Variants in RASSF9 observed in about 807,000 individuals in gnomAD.
RASSF9 encodes the protein ras association domain-containing protein 9.
In RASSF9, 18 loss-of-function variants were observed where a neutral mutation model predicts 21.4. The observed-to-expected ratio is 0.84, with a 90% CI of 0.58 to 1.25. The LOEUF is 1.25. RASSF9 is among the 50% of genes most tolerant of loss of function. RASSF9 has a pLI of 0.00. For missense variants in RASSF9, 480 were observed against 503.2 expected (o/e 0.95, Z 0.44); for synonymous variants, 183 against 179.1 (o/e 1.02, Z -0.18).
At chr12:85,836,127 A>G (rs1303381015) in intron 1 of RASSF9, 28 bp downstream of exon 1, 1 of 1,551,360 alleles carries the variant, frequency 6.4e-7, no homozygotes, top group African/African-American at 1.4e-5. Context: ...AGAGACACAC[A>G]CACACTTACT....
At chr12:85,829,358 G>C (rs1210945828) in intron 1 of RASSF9, among the ~76,000 whole-genome samples, 2 of 151,970 alleles carry the variant, frequency 1.3e-5, no homozygotes, top group African/African-American at 4.8e-5. Context: ...TCTGATACAC[G>C]GACCAATTTA....
At chr12:85,811,582 C>T (rs1388712304) in intron 1 of RASSF9, among the ~76,000 whole-genome samples, 1 of 151,814 alleles carries the variant, frequency 6.6e-6, no homozygotes, top group African/African-American at 2.4e-5. Flanking sequence ...CAATTTATGC[C>T]AGTTTCGGTC....
rs2136567371 is a variant in RASSF9 at position 85,836,346 on chromosome 12, C to T, written c.-145G>A. ...TTCCTGGCTTTCAGCTCATTAGTAGCCGGCTGAGAAAGTTGCTGGAAGTTG... is the reference window on the plus strand; with the variant it reads ...TTCCTGGCTTTCAGCTCATTAGTAGTCGGCTGAGAAAGTTGCTGGAAGTTG... On this transcript the variant is annotated 5_prime_UTR_variant, in exon 1 of 2. Coordinates refer to ENST00000361228, the MANE Select transcript of RASSF9 (RefSeq NM_005447.4). 6.8e-7 allele frequency: 1 copy of T among 1,479,198 alleles called. No homozygotes were observed. Among genetic ancestry groups the T allele is most frequent in the East Asian group, 2.5e-5 (1 of 40,270 alleles). The allele number at this position is 1,479,198 out of a possible 1,614,324, so 91.6% of individuals were successfully genotyped here.
rs1351633754 is a variant in RASSF9, at chr12:85,805,297, G to C, written c.713C>G (p.Pro238Arg). ...ENYVQDAYLM[P>R]SFSEVEQNLD... ...ATTTTGCTCAACTTCACTGAAACTG[G>C]GCATTAAATATGCATCCTGAACATA... Residue 238 changes from proline (P) to arginine (R), a missense_variant, in exon 2 of 2, where the codon CCC becomes CGC. Transcript: ENST00000361228. The C allele has an allele frequency of 6.2e-7, 1 of 1,613,134 alleles. No homozygotes were observed. The highest frequency in any genetic ancestry group is 1.3e-5 in the African/African-American group (1 of 74,852).
chr12:85,805,213 A>T lies in RASSF9; in HGVS notation c.797T>A (p.Ile266Asn). ...TTTCAGTCGTTCTTCCAGCTGTTCA[A>T]TTCCATCACTTTCGCTCAGGTCCTC... is the stretch of plus-strand genomic sequence containing the variant. ...TLEDLSESDG[I>N]EQLEERLKYY... The change falls in exon 2 of 2, where the codon ATT (isoleucine) becomes AAT (asparagine). Residue 266 changes from isoleucine to asparagine, a missense_variant. By Grantham distance (149) the Ile-to-Asn change is moderately radical. Transcript: ENST00000361228. The T allele has an allele frequency of 6.2e-7, 1 of 1,613,814 alleles. No homozygotes were observed. The highest frequency in any genetic ancestry group is 8.5e-7 in the Non-Finnish European group (1 of 1,179,886).
intron 1 of RASSF9, among the ~76,000 whole-genome samples, chr12:85,816,420 G>A (rs1246351397): frequency 6.6e-6 from 1 of 151,796 alleles, no homozygotes; most frequent in Non-Finnish European, 1.5e-5. Context: ...GTAAATAAAT[G>A]TTTTCAGCCG....
chr12:85,819,714 C>T (rs1880166101), intron 1 of RASSF9, among the ~76,000 whole-genome samples: 1 of 152,120 alleles, frequency 6.6e-6, no homozygotes, highest in South Asian at 2.1e-4. Context: ...TGTGAAGTTC[C>T]TAAGCCAATG....
intron 1 of RASSF9, among the ~76,000 whole-genome samples, chr12:85,830,158 A>G (rs977413038): frequency 6.6e-6 from 1 of 152,048 alleles, no homozygotes; most frequent in Non-Finnish European, 1.5e-5. Context: ...CACCCACCCA[A>G]CTTCACTCAT....
At position 85,805,335 on chromosome 12, in the gene RASSF9, A is replaced by G. The variant is rs1452481893; in HGVS notation, c.675T>C (p.Asn225=). The G allele has an allele frequency of 1.9e-6, 3 of 1,613,256 alleles. No individual in the cohort carries two copies. Among genetic ancestry groups the G allele is most frequent in the East Asian group, 4.5e-5 (2 of 44,880 alleles). ...CATCCTGAACATAGTTTTCTCCATC[A>G]TTTTCTACTCGATCAAGATGGAACT... is the stretch of plus-strand genomic sequence containing the variant. The part of the protein sequence containing the change: ...EAKFHLDRVE[N]DGENYVQDAY... The change falls in exon 2 of 2, where the codon AAT becomes AAC. Residue 225 remains asparagine, a synonymous_variant. Transcript: ENST00000361228.
intron 1 of RASSF9, 41 bp from the exon 2 acceptor site, chr12:85,806,003 C>A: frequency 6.5e-7 from 1 of 1,544,426 alleles, no homozygotes. Context: ...CTGTCATTGC[C>A]TGTGTAAACT....
chr12:85,827,749 T>C (rs1220994230), intron 1 of RASSF9, among the ~76,000 whole-genome samples: 1 of 152,226 alleles, frequency 6.6e-6, no homozygotes, highest in Non-Finnish European at 1.5e-5. Flanking sequence ...CTGACATGCC[T>C]GATTTCTTTG....
intron 1 of RASSF9, among the ~76,000 whole-genome samples, chr12:85,827,353 A>G (rs1214758503): frequency 1.3e-5 from 2 of 152,102 alleles, no homozygotes; most frequent in African/African-American, 4.8e-5. Context: ...CTTCTCTACT[A>G]TCATTACACT....
chr12:85,809,722 A>C, intron 1 of RASSF9, among the ~76,000 whole-genome samples: 1 of 151,486 alleles, frequency 6.6e-6, no homozygotes, highest in East Asian at 1.9e-4. Context: ...TGTATGTGAC[A>C]ATTCCCCAAT....
intron 1 of RASSF9, among the ~76,000 whole-genome samples, chr12:85,823,293 C>T (rs1389735130): frequency 6.6e-6 from 1 of 152,122 alleles, no homozygotes; most frequent in Non-Finnish European, 1.5e-5. Context: ...ACTGCCACAC[C>T]CAATAGCCAC....
chr12:85,805,923 A>C lies in RASSF9; in HGVS notation c.87T>G (p.Ile29Met). The C allele has an allele frequency of 1.2e-6, 2 of 1,612,924 alleles. No individual in the cohort carries two copies. Among genetic ancestry groups the C allele is most frequent in the Non-Finnish European group, 1.7e-6 (2 of 1,179,308 alleles). ...TKDMDSEEKE[I>M]VVWVCQEEKL... ...TCTCTTCTTGGCAAACCCAAACCAC[A>C]ATTTCCTTCTCTTCTGAATCCATGT... The change falls in exon 2 of 2, where the codon ATT becomes ATG. Residue 29 changes from isoleucine to methionine, a missense_variant. Ile to Met is a conservative substitution (Grantham distance 10, BLOSUM62 1). Transcript: ENST00000361228.
intron 1 of RASSF9, among the ~76,000 whole-genome samples, chr12:85,834,533 G>A (rs980672839): frequency 6.6e-5 from 10 of 152,060 alleles, no homozygotes; most frequent in South Asian, 6.2e-4. Context: ...ACTCAGGGGC[G>A]CATGCAAAGT....
At chr12:85,826,359 CTT>C (rs1880332494) in intron 1 of RASSF9, among the ~76,000 whole-genome samples, 1 of 151,952 alleles carries the variant, frequency 6.6e-6, no homozygotes, top group Admixed American at 6.6e-5. Context: ...CATGGTGACT[CTT>C]GAATCATTCT....
intron 1 of RASSF9, among the ~76,000 whole-genome samples, chr12:85,809,668 AATGATGATGATGATG>A (rs112741704): frequency 3.2e-4 from 45 of 139,276 alleles, no homozygotes; most frequent in Admixed American, 6.6e-4. Context: ...GAATAGTAAT[AATGATGATGATGATG>A]ATGATGATGA....
At position 85,804,566 on chromosome 12, in the gene RASSF9, T is replaced by G; in HGVS notation, c.*136A>C. ...GAAATTTCACATCAGAAACAACACA[T>G]TTCTCGAGTTTTTATTAACTATTGA... On this transcript the variant is annotated 3_prime_UTR_variant, in exon 2 of 2. Transcript: ENST00000361228. 2.3e-6 allele frequency: 2 copies of G among 871,282 alleles called. No individual in the cohort carries two copies. Among genetic ancestry groups the G allele is most frequent in the Non-Finnish European group, 3.2e-6 (2 of 622,022 alleles). The allele number at this position is 871,282 out of a possible 1,614,324, so 54.0% of individuals were successfully genotyped here. A position where few individuals can be genotyped will look rare whatever the true frequency, so the allele number is the denominator to read the frequency against.
Sources: gnomAD v4.1 joint callset for allele counts (sites outside exome capture counted in the v4.1 genomes callset) on GRCh38, gnomAD v4.1.1 for gene constraint, MANE v1.5 for transcripts, NCBI Gene and HGNC (gene_info 2026-07-23, HGNC 2026-07-21) for gene names.